Variants in MGAM observed in about 807,000 individuals in gnomAD.
MGAM encodes maltase-glucoamylase.
Under a neutral mutation model 358.8 loss-of-function variants are expected in MGAM, and 253 were observed. The observed-to-expected ratio is 0.71, with a 90% CI of 0.64 to 0.78. The LOEUF is 0.78. MGAM is among the 30% of genes least tolerant of loss of function. The pLI, the probability that MGAM is intolerant of heterozygous loss-of-function variation, is 0.00. For synonymous variants in MGAM, 1,105 were observed against 1,227.1 expected (o/e 0.90, Z 2.08); for missense variants, 3,080 against 3,432.6 (o/e 0.90, Z 2.57).
rs960256400 is a variant in MGAM, at chr7:142,095,615, T to C, written c.7509T>C (p.Thr2503=). Residue 2503 remains threonine, a synonymous_variant, in exon 64 of 71, where the codon ACT becomes ACC. Coordinates refer to ENST00000475668, the MANE Select transcript of MGAM (RefSeq NM_001365693.1). ...TTGCTTTTGTGAATATTTCCAGAAC[T>C]GTCCTGCAGACCAGATACACCCTGT... ...WDVAFVNISR[T]VLQTRYTLLP... 1 of 1,613,758 alleles carries C rather than the reference T, an allele frequency of 6.2e-7. No individual in the cohort carries two copies. The highest frequency in any genetic ancestry group is 2.2e-5 in the East Asian group (1 of 44,896).
At chr7:142,085,683 G>C in intron 54 of MGAM, 150 bp from the exon 55 acceptor site, 1 of 1,120,984 alleles carries the variant, frequency 8.9e-7, no homozygotes, top group East Asian at 2.7e-5. Context: ...GAATTTCCCA[G>C]CACCTGTACC....
At chr7:142,079,146 A>C in intron 49 of MGAM, 138 bp downstream of exon 49, 1 of 850,294 alleles carries the variant, frequency 1.2e-6, no homozygotes, top group Non-Finnish European at 1.8e-6. Context: ...ACATTGAGAA[A>C]TCATTGAGGG....
upstream of MGAM, among the ~76,000 whole-genome samples, chr7:141,991,312 G>GGAA (rs1292320050): frequency 1.3e-5 from 2 of 152,174 alleles, no homozygotes; most frequent in African/African-American, 4.8e-5. Flanking sequence ...ATTGTGTGGA[G>GGAA]GAAGTGGTTA....
At chr7:142,021,844 A>G in intron 6 of MGAM, 107 bp downstream of exon 6, 7 of 1,179,192 alleles carry the variant, frequency 5.9e-6, no homozygotes, top group Non-Finnish European at 8.6e-6. Flanking sequence ...TTGTGGGCCC[A>G]TTATTGGTGA....
chr7:142,042,759 T>C (rs183533789), intron 21 of MGAM, among the ~76,000 whole-genome samples: 1 of 78,378 alleles, frequency 1.3e-5, no homozygotes, highest in Non-Finnish European at 2.2e-5. Context: ...ATAATATATA[T>C]ATTATATATA....
chr7:142,089,017 TATC>T (rs1815119311), intron 57 of MGAM, among the ~76,000 whole-genome samples: 1 of 143,808 alleles, frequency 7.0e-6, no homozygotes, highest in African/African-American at 2.5e-5. Flanking sequence ...TCTATCTATC[TATC>T]TATCTATCTA....
At chr7:142,046,043 TA>T (rs67524251) in intron 21 of MGAM, among the ~76,000 whole-genome samples, 14,678 of 40,812 alleles carry the variant, frequency 0.36, 4,157 homozygotes, top group African/African-American at 0.61. Context: ...ATATATTATA[TA>T]TACATACAAT....
intron 45 of MGAM, among the ~76,000 whole-genome samples, chr7:142,074,863 A>T (rs1327538381): frequency 3.4e-5 from 5 of 146,622 alleles, no homozygotes; most frequent in African/African-American, 1.2e-4. Flanking sequence ...GTGAGGATTT[A>T]ATATATGTAG....
intron 47 of MGAM, among the ~76,000 whole-genome samples, chr7:142,077,083 T>C (rs1813814321): frequency 6.9e-6 from 1 of 145,758 alleles, no homozygotes; most frequent in Non-Finnish European, 1.6e-5. Context: ...TTTCACTTGC[T>C]TTTCCCAAAA....
At chr7:142,102,741 C>A in intron 69 of MGAM, 62 bp downstream of exon 69, 1 of 1,474,458 alleles carries the variant, frequency 6.8e-7, no homozygotes, top group Non-Finnish European at 9.4e-7. Context: ...TGCTGAATAT[C>A]GTAAGGGCAT....
intron 31 of MGAM, among the ~76,000 whole-genome samples, 189 bp from the exon 32 acceptor site, chr7:142,059,283 C>G (rs1050590745): frequency 6.6e-6 from 1 of 152,160 alleles, no homozygotes; most frequent in African/African-American, 2.4e-5. Context: ...TTTTTTCTAT[C>G]TTATCACTGA....
intron 44 of MGAM, among the ~76,000 whole-genome samples, chr7:142,072,772 C>T (rs1184304283): frequency 1.4e-5 from 2 of 146,320 alleles, no homozygotes; most frequent in Admixed American, 1.4e-4. Context: ...ATCACGTTAA[C>T]TTCCATCAAG....
Position 142,022,357 on chromosome 7 carries a change from G to A in MGAM, c.800G>A (p.Gly267Glu), listed in dbSNP as rs1584932015. 1.2e-6 allele frequency: 2 copies of A among 1,613,722 alleles called. No homozygotes were observed. Among genetic ancestry groups the A allele is most frequent in the Non-Finnish European group, 1.7e-6 (2 of 1,179,716 alleles). The change falls in exon 7 of 71, where the codon GGA becomes GAA. Residue 267 changes from glycine to glutamate, a missense_variant. Gly to Glu is a moderately conservative substitution (Grantham distance 98, BLOSUM62 -2). Coordinates refer to ENST00000475668, the MANE Select transcript of MGAM (RefSeq NM_001365693.1). The part of the protein sequence containing the change: ...RLPSTNVYGL[G>E]EHVHQQYRHD... ...CCTAGCACTAACGTGTATGGCCTGGGAGAGCATGTGCACCAGCAGTATCGG... is the reference window on the plus strand; with the variant it reads ...CCTAGCACTAACGTGTATGGCCTGGAAGAGCATGTGCACCAGCAGTATCGG...
In MGAM at chr7:142,086,267, G is replaced by A. The variant is rs752771375; in HGVS notation, c.6686G>A (p.Arg2229Gln). The stretch of plus-strand genomic sequence containing the variant: ...ACACAGCCCTATCCTGCCTTCACTC[G>A]GGGCGTGGAGGATGACGTCTTCATC... ...NETQPYPAFT[R>Q]GVEDDVFIKY... The change falls in exon 56 of 71, where the codon CGG becomes CAG. Residue 2229 changes from arginine to glutamine, a missense_variant. By Grantham distance (43) the Arg-to-Gln change is conservative. Transcript: ENST00000475668. The A allele has an allele frequency of 9.7e-6, 15 of 1,544,366 alleles. 1 individual carries two copies. The highest frequency in any genetic ancestry group is 5.3e-5 in the Admixed American group (3 of 57,110).
intron 3 of MGAM, among the ~76,000 whole-genome samples, chr7:142,015,914 G>T (rs1257149639): frequency 2.0e-5 from 3 of 151,612 alleles, no homozygotes; most frequent in South Asian, 2.1e-4. Context: ...TTTAAAATGA[G>T]TTTTTTTTAA....
At chr7:142,065,887 T>C in intron 40 of MGAM, 56 bp downstream of exon 40, 1 of 1,324,702 alleles carries the variant, frequency 7.5e-7, no homozygotes, top group Admixed American at 2.0e-5. Context: ...ACAGTCTCCA[T>C]TTCTGTGCTA....
Position 142,098,814 on chromosome 7 carries a change from G to A in MGAM, c.7750-799G>A, listed in dbSNP as rs553187363. ...AGAGGAAAAGACAAAAGAAATCATG[G>A]AGCAAGCTATTTAGAAAAAGATGAA... is the stretch of plus-strand genomic sequence containing the variant. On this transcript the variant is annotated intron_variant, in intron 66 of 70. Transcript: ENST00000475668. Among the ~76,000 whole-genome samples the A allele has an allele frequency of 4.7e-4, 72 of 152,256 alleles. 1 individual carries two copies. In the South Asian group the frequency reaches 0.015, roughly 31 times the overall value.
intron 3 of MGAM, among the ~76,000 whole-genome samples, chr7:142,009,304 G>A (rs1441018488): frequency 2.0e-5 from 3 of 152,154 alleles, no homozygotes; most frequent in Non-Finnish European, 2.9e-5. Flanking sequence ...AAGTCCACCT[G>A]ATTATGATGA....
intron 36 of MGAM, among the ~76,000 whole-genome samples, chr7:142,063,965 G>C (rs1196629886): frequency 6.6e-6 from 1 of 152,122 alleles, no homozygotes; most frequent in Admixed American, 6.5e-5. Flanking sequence ...TTACACTTGG[G>C]TTCATATCTT....
Sources: gnomAD v4.1 joint callset for allele counts (sites outside exome capture counted in the v4.1 genomes callset) on GRCh38, gnomAD v4.1.1 for gene constraint, MANE v1.5 for transcripts, NCBI Gene and HGNC (gene_info 2026-07-23, HGNC 2026-07-21) for gene names.